KCNQ5: variants seen among roughly 807,000 people sequenced by gnomAD.
KCNQ5 encodes the protein potassium voltage-gated channel subfamily KQT member 5.
KCNQ5 carries 30 observed loss-of-function variants against 98.2 expected under a neutral mutation model. That is an observed-to-expected ratio of 0.31 (90% confidence interval 0.23 to 0.41). KCNQ5 has a LOEUF of 0.41. Among genes scored for constraint, KCNQ5 ranks in the 10% least tolerant of loss-of-function variants. The pLI, the probability that KCNQ5 is intolerant of heterozygous loss-of-function variation, is 1.00. For missense variants in KCNQ5, 835 were observed against 1,182.5 expected, an observed-to-expected ratio of 0.71 and a Z score of 4.31; for synonymous variants, 458 against 449.4, an observed-to-expected ratio of 1.02 and a Z score of -0.24.
At chr6:72,691,240 G>A (rs891551386) in intron 1 of KCNQ5, among the ~76,000 whole-genome samples, 1 of 152,184 alleles carries the variant, frequency 6.6e-6, no homozygotes, top group Non-Finnish European at 1.5e-5. Context: ...GAGATCTCAA[G>A]TTGGAATGTA....
intron 10 of KCNQ5, among the ~76,000 whole-genome samples, chr6:73,146,916 G>T (rs1582443052): frequency 6.6e-6 from 1 of 152,108 alleles, no homozygotes; most frequent in East Asian, 1.9e-4. Flanking sequence ...TTGTATGTGA[G>T]TTTTAAAAAA....
chr6:72,781,750 G>T (rs1773486442), intron 1 of KCNQ5, among the ~76,000 whole-genome samples: 1 of 152,120 alleles, frequency 6.6e-6, no homozygotes, highest in South Asian at 2.1e-4. Flanking sequence ...TTGAAAAAAA[G>T]TATTATATAA....
chr6:73,119,126 G>A (rs1250839938), intron 7 of KCNQ5, among the ~76,000 whole-genome samples: 3 of 152,140 alleles, frequency 2.0e-5, no homozygotes, highest in Non-Finnish European at 4.4e-5. Flanking sequence ...GTAAATACCT[G>A]GCCATTAGAG....
chr6:72,770,100 G>T (rs1772783436), intron 1 of KCNQ5, among the ~76,000 whole-genome samples: 1 of 152,150 alleles, frequency 6.6e-6, no homozygotes, highest in Non-Finnish European at 1.5e-5. Context: ...AAGCTTAAAT[G>T]GGAGATATGG....
At chr6:72,686,858 T>A (rs1409670774) in intron 1 of KCNQ5, among the ~76,000 whole-genome samples, 3 of 152,080 alleles carry the variant, frequency 2.0e-5, no homozygotes, top group African/African-American at 7.2e-5. Flanking sequence ...GTGTTCTGTA[T>A]CTGTTTATTT....
chr6:72,974,915 T>A (rs1178901113), intron 1 of KCNQ5, among the ~76,000 whole-genome samples: 1 of 152,016 alleles, frequency 6.6e-6, no homozygotes, highest in African/African-American at 2.4e-5. Context: ...TTTTTGTATT[T>A]TAGTAGAGAC....
At chr6:72,866,610 C>T (rs1343759123) in intron 1 of KCNQ5, among the ~76,000 whole-genome samples, 2 of 152,260 alleles carry the variant, frequency 1.3e-5, no homozygotes, top group East Asian at 3.9e-4. Flanking sequence ...TCCAAACAAG[C>T]TAAAAGAGAT....
intron 1 of KCNQ5, among the ~76,000 whole-genome samples, chr6:72,912,151 T>C (rs1191152684): frequency 2.6e-5 from 4 of 152,166 alleles, no homozygotes; most frequent in Non-Finnish European, 4.4e-5. Context: ...ATCCCAAATG[T>C]TGGCAGATCA....
In KCNQ5 at chr6:72,622,815, T is replaced by C. The variant is rs769650613; in HGVS notation, c.398+228T>C. Among the ~76,000 whole-genome samples the C allele has an allele frequency of 2.6e-5, 4 of 152,068 alleles. No homozygotes were observed. Among genetic ancestry groups the C allele is most frequent in the Non-Finnish European group, 5.9e-5 (4 of 68,002 alleles). ...TTTTCCCCGAGGACACCCAATGAACTGCCCGGTAGCTTCAGGCTCCCGGGG... is the reference window on the plus strand; with the variant it reads ...TTTTCCCCGAGGACACCCAATGAACCGCCCGGTAGCTTCAGGCTCCCGGGG... On this transcript the variant is annotated intron_variant, in intron 1 of 13. Transcript: ENST00000370398. The surrounding 1 kb of genome is among the most constrained non-coding windows in gnomAD (Gnocchi z 6.0).
chr6:73,042,461 A>C (rs1468094163), intron 3 of KCNQ5, among the ~76,000 whole-genome samples: 1 of 152,218 alleles, frequency 6.6e-6, no homozygotes, highest in South Asian at 2.1e-4. Context: ...CAGTGAGTAT[A>C]AAAAACCCTT....
chr6:72,827,418 A>G (rs1290632463), intron 1 of KCNQ5, among the ~76,000 whole-genome samples: 1 of 152,086 alleles, frequency 6.6e-6, no homozygotes, highest in African/African-American at 2.4e-5. Context: ...TATAATAGCC[A>G]TCCTAACTGG....
chr6:72,960,317 C>G (rs1441207971), intron 1 of KCNQ5, among the ~76,000 whole-genome samples: 1 of 152,160 alleles, frequency 6.6e-6, no homozygotes, highest in Non-Finnish European at 1.5e-5. Context: ...AAATAAACAT[C>G]TCCAGTCCCT....
intron 11 of KCNQ5, among the ~76,000 whole-genome samples, chr6:73,188,021 C>T (rs1462812745): frequency 6.6e-6 from 1 of 152,134 alleles, no homozygotes; most frequent in Non-Finnish European, 1.5e-5. Flanking sequence ...TCCCAAACCA[C>T]AAATGTGTGA....
intron 1 of KCNQ5, among the ~76,000 whole-genome samples, chr6:72,642,783 G>T (rs1400551349): frequency 6.6e-6 from 1 of 152,032 alleles, no homozygotes; most frequent in African/African-American, 2.4e-5. Flanking sequence ...AATATAAATG[G>T]TTCTGCCATA....
intron 11 of KCNQ5, among the ~76,000 whole-genome samples, chr6:73,184,062 C>T (rs1457951242): frequency 6.6e-6 from 1 of 152,208 alleles, no homozygotes; most frequent in East Asian, 1.9e-4. Flanking sequence ...ACAGGCTCTT[C>T]CCTCTCTTTT....
chr6:72,838,345 A>G (rs1489306345), intron 1 of KCNQ5, among the ~76,000 whole-genome samples: 2 of 152,058 alleles, frequency 1.3e-5, no homozygotes, highest in South Asian at 2.1e-4. Flanking sequence ...AAAAAATAAT[A>G]TTTTGTAAAA....
intron 1 of KCNQ5, among the ~76,000 whole-genome samples, chr6:72,978,929 T>G (rs1768290814): frequency 6.6e-6 from 1 of 152,204 alleles, no homozygotes; most frequent in African/African-American, 2.4e-5. Flanking sequence ...CATGCAGTGT[T>G]TGGTTTTCTG....
chr6:73,118,280 T>A (rs1775592234), intron 7 of KCNQ5, among the ~76,000 whole-genome samples: 1 of 152,206 alleles, frequency 6.6e-6, no homozygotes, highest in Admixed American at 6.5e-5. Context: ...TACTCCTTGG[T>A]GTCTTCTTTT....
chr6:72,741,458 A>G (rs931008469), intron 1 of KCNQ5, among the ~76,000 whole-genome samples: 1 of 152,122 alleles, frequency 6.6e-6, no homozygotes, highest in African/African-American at 2.4e-5. Context: ...TGTTTCTCAA[A>G]CTTACATGAG....
Sources: allele counts gnomAD v4.1 joint callset (sites outside exome capture counted in the v4.1 genomes callset), GRCh38; gene constraint gnomAD v4.1.1; non-coding constraint Gnocchi (gnomAD v3.1); transcripts MANE v1.5; gene names NCBI Gene and HGNC (gene_info 2026-07-23, HGNC 2026-07-21).